WDFY4: variants seen among roughly 807,000 people sequenced by gnomAD.
The protein encoded by WDFY4 is WD repeat- and FYVE domain-containing protein 4.
In WDFY4, 169 loss-of-function variants were observed where a neutral mutation model predicts 351.9. The observed-to-expected ratio is 0.48, with a 90% confidence interval of 0.42 to 0.55. The LOEUF (loss-of-function observed/expected upper bound fraction) is 0.55, where lower values mean the gene tolerates loss of function less well. Ranked by LOEUF, WDFY4 falls within the 20% of genes least tolerant of loss-of-function variation. The pLI, the probability that WDFY4 is intolerant of heterozygous loss-of-function variation, is 0.00. For missense variants in WDFY4, 3,803 were observed against 3,935.6 expected, an observed-to-expected ratio of 0.97 and a Z score of 0.90; for synonymous variants, 1,622 against 1,574.6, an observed-to-expected ratio of 1.03 and a Z score of -0.71.
intron 39 of WDFY4, among the ~76,000 whole-genome samples, chr10:48,848,930 G>A (rs2068867317): frequency 6.6e-6 from 1 of 152,228 alleles, no homozygotes; most frequent in Non-Finnish European, 1.5e-5. Context: ...CTCTGGTGCA[G>A]GACAGGTGGC....
At chr10:48,857,770 A>AT (rs1480846952) in intron 39 of WDFY4, among the ~76,000 whole-genome samples, 2 of 151,780 alleles carry the variant, frequency 1.3e-5, no homozygotes, top group East Asian at 3.9e-4. Context: ...TTTTCTGATG[A>AT]TATTTTTTGT....
rs370897050 is a variant in WDFY4, at chr10:48,890,467, G to T, written c.7168-112G>T. The T allele has an allele frequency of 2.8e-4, 375 of 1,323,516 alleles. 4 individuals carry two copies. The South Asian group carries it at 3.4e-3, about 12-fold the overall frequency. The allele number at this position is 1,323,516 out of a possible 1,614,324, so 82.0% of individuals were successfully genotyped here. ...GGGACTGCCATTCATACAAGGCACT[G>T]CTCTCACCTCCAATTGCCCCATGGA... is the stretch of plus-strand genomic sequence containing the variant. On this transcript the variant is annotated intron_variant, in intron 43 of 61. Coordinates refer to ENST00000325239, the MANE Select transcript of WDFY4 (RefSeq NM_001394531.1).
intron 7 of WDFY4, among the ~76,000 whole-genome samples, chr10:48,728,483 C>A (rs1176906073): frequency 6.6e-6 from 1 of 152,194 alleles, no homozygotes; most frequent in Non-Finnish European, 1.5e-5. Context: ...CTTTGCTGGG[C>A]GAGAATGAGA....
chr10:48,908,706 C>T (rs1313263666), intron 47 of WDFY4, among the ~76,000 whole-genome samples: 4 of 152,106 alleles, frequency 2.6e-5, no homozygotes, highest in Admixed American at 2.6e-4. Context: ...ACACCTTTCA[C>T]TTAATATCCC....
chr10:48,835,855 G>A (rs2068372325), intron 39 of WDFY4, among the ~76,000 whole-genome samples: 1 of 152,176 alleles, frequency 6.6e-6, no homozygotes, highest in African/African-American at 2.4e-5. Context: ...CAAGGACTAT[G>A]TTTTAATTTT....
In WDFY4 at chr10:48,943,104, T is replaced by G. The variant is rs1038488323; in HGVS notation, c.7630-226T>G. On this transcript the variant is annotated intron_variant, in intron 48 of 61. Transcript: ENST00000325239. ...TGTTGGATGCTGAACTGCATTGGGTTTTTTTTTTTTCCTTGCTGACTTTGC... is the reference window on the plus strand; with the variant it reads ...TGTTGGATGCTGAACTGCATTGGGTGTTTTTTTTTTCCTTGCTGACTTTGC... 1.4e-4 allele frequency among the ~76,000 whole-genome samples: 20 copies of G among 144,376 alleles called. No individual in the cohort carries two copies. In the South Asian group the frequency reaches 3.8e-3, roughly 27 times the overall value. 94.7% of individuals were successfully genotyped at this position (144,376 alleles called of 152,430 possible). A position where few individuals can be genotyped will look rare whatever the true frequency, so the allele number is the denominator to read the frequency against.
rs1347689236 is a variant in WDFY4 at position 48,880,769 on chromosome 10, G to C, written c.7167+3570G>C. On this transcript the variant is annotated intron_variant, in intron 43 of 61. Transcript: ENST00000325239. ...TGCATTTTATGGGGCTATGCTTGCT[G>C]CCTCTGGCTTCATGGGGAATTGTGG... Among the ~76,000 whole-genome samples the C allele has an allele frequency of 6.6e-5, 10 of 152,186 alleles. No individual in the cohort carries two copies. The South Asian group carries it at 2.1e-3, about 32-fold the overall frequency.
chr10:48,800,184 G>A (rs569441234), intron 24 of WDFY4, among the ~76,000 whole-genome samples: 38 of 152,282 alleles, frequency 2.5e-4, no homozygotes, highest in South Asian at 1.2e-3. Context: ...GCGCCCAGCC[G>A]GTTTCGTGTT....
At position 48,828,848 on chromosome 10, in the gene WDFY4, A is replaced by G. The variant is rs542344075; in HGVS notation, c.6292A>G (p.Asn2098Asp). The change falls in exon 37 of 62, where the codon AAT (asparagine) becomes GAT (aspartate). Residue 2098 changes from asparagine to aspartate, a missense_variant. Physicochemically the swap from Asn to Asp is conservative, Grantham distance 23. This residue lies in a region of WDFY4 where 3,054 missense variants were observed against 3,148.6 expected (regional missense o/e 0.97). Coordinates refer to ENST00000325239, the MANE Select transcript of WDFY4 (RefSeq NM_001394531.1). ...TTATCATCAAGTCTTCCTTTCCCCA[A>G]ATGAAGACGTGAAAGAAAAAAGAGA... ...STYHQVFLSPNEDVKEKREDL... is the reference protein window; with the variant it reads ...STYHQVFLSPDEDVKEKREDL... 5.9e-6 allele frequency: 9 copies of G among 1,526,806 alleles called. No individual in the cohort carries two copies. In the Admixed American group the frequency reaches 1.2e-4, roughly 21 times the overall value. The allele number at this position is 1,526,806 out of a possible 1,614,324, so 94.6% of individuals were successfully genotyped here.
chr10:48,911,355 C>CT (rs1837987096), intron 47 of WDFY4, among the ~76,000 whole-genome samples: 1 of 152,170 alleles, frequency 6.6e-6, no homozygotes, highest in South Asian at 2.1e-4. Context: ...CTTTTATGAG[C>CT]TACTTGATGG....
chr10:48,744,531 G>A (rs1215618377), intron 12 of WDFY4, among the ~76,000 whole-genome samples: 2 of 152,202 alleles, frequency 1.3e-5, no homozygotes, highest in African/African-American at 4.8e-5. Flanking sequence ...TTTTTGCACT[G>A]ATATTCAGGA....
At chr10:48,887,404 C>T (rs1237027413) in intron 43 of WDFY4, among the ~76,000 whole-genome samples, 2 of 152,208 alleles carry the variant, frequency 1.3e-5, no homozygotes, top group Non-Finnish European at 2.9e-5. Flanking sequence ...AAATTAGTGT[C>T]ACCTTGTGGG....
intron 35 of WDFY4, among the ~76,000 whole-genome samples, chr10:48,825,012 G>C: frequency 6.6e-6 from 1 of 152,088 alleles, no homozygotes; most frequent in East Asian, 1.9e-4. Flanking sequence ...TTGTTACATA[G>C]GTAAATGTGT....
At chr10:48,932,346 A>G (rs1840066023) in intron 47 of WDFY4, 2 of 152,220 alleles carry the variant, frequency 1.3e-5, no homozygotes, top group African/African-American at 4.8e-5. Flanking sequence ...GAGTTGGAGA[A>G]CAATCTTTGC....
rs1304903793 is a variant in WDFY4, at chr10:48,966,689, T to C, written c.8584+16T>C. ...ACGGTCAAAGGTGATTCCCTGGCCA[T>C]GCATTGTTTGGTGTCCTGTCCCAGG... is the stretch of plus-strand genomic sequence containing the variant. On this transcript the variant is annotated intron_variant, in intron 55 of 61. Transcript: ENST00000325239. 6.5e-7 allele frequency: 1 copy of C among 1,549,918 alleles called. No individual in the cohort carries two copies. The highest frequency in any genetic ancestry group is 1.4e-5 in the African/African-American group (1 of 73,032).
At chr10:48,786,285 C>A (rs1050819361) in intron 19 of WDFY4, among the ~76,000 whole-genome samples, 1 of 152,076 alleles carries the variant, frequency 6.6e-6, no homozygotes, top group African/African-American at 2.4e-5. Flanking sequence ...TTATTTCTTC[C>A]TTTCCACTCT....
At chr10:48,761,125 C>T (rs1436612697) in intron 13 of WDFY4, among the ~76,000 whole-genome samples, 1 of 151,524 alleles carries the variant, frequency 6.6e-6, no homozygotes, top group African/African-American at 2.4e-5. Context: ...TAAGCAGAGA[C>T]CTGAAGGGTG....
intron 22 of WDFY4, 30 bp downstream of exon 22, chr10:48,790,015 T>A: frequency 6.5e-7 from 1 of 1,547,860 alleles, no homozygotes; most frequent in Non-Finnish European, 8.7e-7. Flanking sequence ...TTTGCCGCTA[T>A]TTGGGAAGCA....
intron 12 of WDFY4, among the ~76,000 whole-genome samples, chr10:48,757,189 T>A (rs1180835429): frequency 6.6e-6 from 1 of 152,090 alleles, no homozygotes; most frequent in African/African-American, 2.4e-5. Context: ...CGTTTGAAGG[T>A]AGTTTATGAC....
Sources: allele counts gnomAD v4.1 joint callset (sites outside exome capture counted in the v4.1 genomes callset), GRCh38; gene constraint gnomAD v4.1.1; regional missense constraint gnomAD v4.1.1; transcripts MANE v1.5; gene names NCBI Gene and HGNC (gene_info 2026-07-23, HGNC 2026-07-21).